CLCN4: variants seen among roughly 807,000 people sequenced by gnomAD.
CLCN4 encodes the protein Cl-/H+ antiporter 4.
A neutral mutation model predicts 41.7 loss-of-function variants in CLCN4; 1 was observed. The observed-to-expected ratio is 0.02, with a 90% CI of 0.01 to 0.11. The LOEUF (loss-of-function observed/expected upper bound fraction) is 0.11. Among genes scored for constraint, CLCN4 ranks in the 10% least tolerant of loss-of-function variants. The pLI is 1.00. For missense variants in CLCN4, 287 were observed against 661.0 expected (o/e 0.43, Z 6.20); for synonymous variants, 277 against 285.8 (o/e 0.97, Z 0.31).
chrX:10,177,781 C>T (rs1800741379), intron 2 of CLCN4, among the ~76,000 whole-genome samples: 1 of 112,177 alleles, frequency 8.9e-6, no homozygotes, highest in African/African-American at 3.2e-5. Flanking sequence ...GGCATATACC[C>T]AAGAGAAATG....
chrX:10,188,633 T>C (rs1169909455), intron 4 of CLCN4, among the ~76,000 whole-genome samples: 1 of 112,466 alleles, frequency 8.9e-6, no homozygotes, highest in Admixed American at 9.4e-5. Context: ...AAATTTGGCA[T>C]GACGAAGAGG....
chrX:10,176,709 C>T (rs1443679846), intron 2 of CLCN4, among the ~76,000 whole-genome samples: 3 of 111,992 alleles, frequency 2.7e-5, no homozygotes, highest in East Asian at 2.8e-4. Context: ...TATGACTTTC[C>T]GTTCCATCTG....
intron 4 of CLCN4, among the ~76,000 whole-genome samples, chrX:10,189,489 G>A (rs2147169547): frequency 8.9e-6 from 1 of 112,221 alleles, no homozygotes; most frequent in African/African-American, 3.2e-5. Context: ...TGTGCAGCCA[G>A]GGGTGAGCAC....
intron 5 of CLCN4, among the ~76,000 whole-genome samples, chrX:10,196,538 CT>C (rs141362799): frequency 0.42 from 33,434 of 80,416 alleles, 5,872 homozygotes; most frequent in Non-Finnish European, 0.53. Flanking sequence ...CCCTTCCCCA[CT>C]TTTTTTTTTT....
At chrX:10,216,918 T>TATATATATACACACACACACAC (rs773265490) in intron 11 of CLCN4, among the ~76,000 whole-genome samples, 15 of 38,927 alleles carry the variant, frequency 3.9e-4, no homozygotes, top group Non-Finnish European at 5.5e-4. Context: ...TATATATATA[T>TATATATATACACACACACACAC]ACACACACAC....
intron 12 of CLCN4, among the ~76,000 whole-genome samples, chrX:10,231,551 C>T (rs1319934138): frequency 9.0e-6 from 1 of 111,408 alleles, no homozygotes; most frequent in African/African-American, 3.3e-5. Flanking sequence ...ATTTTAGACA[C>T]AGGAGATACA....
chrX:10,179,082 A>G (rs1056935845), intron 2 of CLCN4, among the ~76,000 whole-genome samples: 3 of 112,093 alleles, frequency 2.7e-5, no homozygotes, highest in African/African-American at 9.7e-5. Context: ...TGAAGAGTGT[A>G]TTTCTTAGGA....
chrX:10,185,333 C>T (rs1267041424), intron 3 of CLCN4, among the ~76,000 whole-genome samples, 157 bp downstream of exon 3: 1 of 111,859 alleles, frequency 8.9e-6, no homozygotes, highest in Non-Finnish European at 1.9e-5. Context: ...ATTGGCAGAT[C>T]ATTGTACTAG....
At chrX:10,165,077 C>A (rs756197479) in intron 2 of CLCN4, among the ~76,000 whole-genome samples, 1 of 112,899 alleles carries the variant, frequency 8.9e-6, no homozygotes, top group East Asian at 2.8e-4. Context: ...CTGTCACGTG[C>A]GCTTCTGCGG....
At chrX:10,227,436 G>A (rs1167595672) in intron 12 of CLCN4, among the ~76,000 whole-genome samples, 1 of 111,664 alleles carries the variant, frequency 9.0e-6, no homozygotes, top group African/African-American at 3.3e-5. Flanking sequence ...CAAACCCACA[G>A]CCAATATCAT....
At position 10,208,730 on chromosome X, in the gene CLCN4, T is replaced by G. The variant is rs1924460454; in HGVS notation, c.1389+140T>G. 3 of 484,361 alleles carry G rather than the reference T, an allele frequency of 6.2e-6. No homozygotes were observed. The South Asian group carries it at 1.0e-4, about 17-fold the overall frequency. The allele number at this position is 484,361 out of a possible 1,213,427, so 39.9% of individuals were successfully genotyped here. The stretch of plus-strand genomic sequence containing the variant: ...GTTCTCATGTGCCAGGCACTTGACA[T>G]TCCTTTAATCAATAGGAAATAACTT... On this transcript the variant is annotated intron_variant, in intron 9 of 12. Transcript: ENST00000380833.
chrX:10,217,161 C>T (rs1044832433), intron 11 of CLCN4, among the ~76,000 whole-genome samples: 1 of 108,364 alleles, frequency 9.2e-6, no homozygotes, highest in African/African-American at 3.4e-5. Flanking sequence ...AGTGCAGTGG[C>T]GCGATCATAG....
chrX:10,178,534 C>A (rs1009478555), intron 2 of CLCN4, among the ~76,000 whole-genome samples: 15 of 112,092 alleles, frequency 1.3e-4, no homozygotes, highest in African/African-American at 4.9e-4. Context: ...ATGTAGCTAA[C>A]ATGGGCATGT....
intron 8 of CLCN4, 79 bp from the exon 9 acceptor site, chrX:10,207,966 C>A: frequency 1.1e-6 from 1 of 909,438 alleles, no homozygotes; most frequent in Non-Finnish European, 1.6e-6. Flanking sequence ...TAGAGTGTGA[C>A]TTTCCTGCCA....
chrX:10,228,917 T>A (rs1267955026), intron 12 of CLCN4, among the ~76,000 whole-genome samples: 1 of 111,837 alleles, frequency 8.9e-6, no homozygotes, highest in Non-Finnish European at 1.9e-5. Flanking sequence ...TTTGGCATTG[T>A]CTGGAGACAT....
At position 10,214,044 on chromosome X, in the gene CLCN4, G is replaced by A. The variant is rs1924641903; in HGVS notation, c.1940G>A (p.Gly647Glu). ...TCCAGAGACTCCGAGCGCCTCATTG[G>A]ATTTGCCCAGAGGAGGGAACTGATT... ...VVSRDSERLI[G>E]FAQRRELILA... is the part of the protein sequence containing the mutation. The change falls in exon 11 of 13, where the codon GGA (glycine) becomes GAA (glutamate). Residue 647 changes from glycine (G) to glutamate (E), a missense_variant. By Grantham distance (98) the Gly-to-Glu change is moderately conservative (BLOSUM62 -2). This residue lies in a region of CLCN4 where 71 missense variants were observed against 104.5 expected (regional missense o/e 0.68). Coordinates refer to ENST00000380833, the MANE Select transcript of CLCN4 (RefSeq NM_001830.4). The A allele has an allele frequency of 8.4e-7, 1 of 1,189,085 alleles. No individual in the cohort carries two copies. The highest frequency in any genetic ancestry group is 1.8e-5 in the African/African-American group (1 of 56,893).
chrX:10,192,574 C>T (rs1305570115), intron 4 of CLCN4, among the ~76,000 whole-genome samples: 1 of 111,088 alleles, frequency 9.0e-6, no homozygotes, highest in Non-Finnish European at 1.9e-5. Context: ...CTGGAGAGAT[C>T]TGAGGGGCCA....
At chrX:10,186,417 G>A (rs564555922) in intron 3 of CLCN4, among the ~76,000 whole-genome samples, 1 of 111,417 alleles carries the variant, frequency 9.0e-6, no homozygotes, top group South Asian at 3.8e-4. Flanking sequence ...GACAAGAGGG[G>A]ACCCTGCCAA....
intron 9 of CLCN4, among the ~76,000 whole-genome samples, chrX:10,209,015 G>GT (rs751081334): frequency 8.9e-6 from 1 of 111,866 alleles, no homozygotes; most frequent in African/African-American, 3.2e-5. Context: ...AGTATCAGCT[G>GT]TATCTTAGGC....
Sources: allele counts gnomAD v4.1 joint callset (sites outside exome capture counted in the v4.1 genomes callset), GRCh38; gene constraint gnomAD v4.1.1; regional missense constraint gnomAD v4.1.1; transcripts MANE v1.5; gene names NCBI Gene and HGNC (gene_info 2026-07-23, HGNC 2026-07-21).